FGF14: variants seen among roughly 807,000 people sequenced by gnomAD.
FGF14 encodes the protein fibroblast growth factor homologous factor 4.
In FGF14, 5 loss-of-function variants were observed where a neutral mutation model predicts 25.5. That is an observed-to-expected ratio of 0.20 (90% CI 0.10 to 0.41). FGF14 has a LOEUF of 0.41. Ranked by LOEUF, FGF14 falls within the 10% of genes least tolerant of loss-of-function variation. The pLI is 1.00. For missense variants in FGF14, 222 were observed against 320.1 expected (o/e 0.69, Z 2.34); for synonymous variants, 138 against 118.3 (o/e 1.17, Z -1.08).
At chr13:101,724,226 G>A (rs1030242283) in intron 4 of FGF14, among the ~76,000 whole-genome samples, 1 of 151,980 alleles carries the variant, frequency 6.6e-6, no homozygotes, top group African/African-American at 2.4e-5. Flanking sequence ...ATGATAGACT[G>A]GATTAAGCAA....
intron 1 of FGF14, among the ~76,000 whole-genome samples, chr13:102,346,242 T>C (rs1247861590): frequency 1.3e-5 from 2 of 152,146 alleles, no homozygotes; most frequent in African/African-American, 2.4e-5. Context: ...ACATTGTAAA[T>C]AGGTATATTC....
chr13:102,391,990 C>T (rs2058443533), intron 1 of FGF14, among the ~76,000 whole-genome samples: 1 of 152,152 alleles, frequency 6.6e-6, no homozygotes, highest in Admixed American at 6.5e-5. Flanking sequence ...GTCTTTAAGC[C>T]TTCTTATGTT....
rs10578533 is a variant in FGF14 at position 102,278,627 on chromosome 13, A to AATATATATATATATATAT, written c.208+122826_208+122843dup. Among the ~76,000 whole-genome samples the AATATATATATATATATAT allele has an allele frequency of 3.7e-3, 543 of 147,452 alleles. 1 individual carries two copies. The highest frequency in any genetic ancestry group is 0.011 in the African/African-American group (442 of 39,866). On this transcript the variant is annotated intron_variant, in intron 1 of 4. Transcript: ENST00000376131. ...GTGTCACTCTACATACATTTTATGT[A>AATATATATATATATATAT]ATATATATATATATATATACATACA...
chr13:102,092,336 T>C (rs2044202222), intron 1 of FGF14, among the ~76,000 whole-genome samples: 2 of 152,208 alleles, frequency 1.3e-5, no homozygotes, highest in East Asian at 1.9e-4. Flanking sequence ...ACTCTCACTC[T>C]TACCCACTAA....
intron 3 of FGF14, among the ~76,000 whole-genome samples, chr13:101,796,521 T>C (rs1407112688): frequency 6.6e-6 from 1 of 152,028 alleles, no homozygotes; most frequent in Non-Finnish European, 1.5e-5. Flanking sequence ...TCCATACCCC[T>C]ACCACTTCAG....
At position 101,743,733 on chromosome 13, in the gene FGF14, G is replaced by A. The variant is rs1042782864; in HGVS notation, c.409-16923C>T. Among the ~76,000 whole-genome samples the A allele has an allele frequency of 4.6e-5, 7 of 152,136 alleles. No homozygotes were observed. In the East Asian group the frequency reaches 1.4e-3, roughly 29 times the overall value. ...TCTTTTGAAAGAGAAAATAAATATT[G>A]AACATATTCACATCTGTAGATATTT... On this transcript the variant is annotated intron_variant, in intron 3 of 4. Transcript: ENST00000376143.
chr13:101,711,137 A>G lies in FGF14; in HGVS notation c.*11694T>C, dbSNP rs1190679653. 1.3e-5 allele frequency: 2 copies of G among 152,222 alleles called. No individual in the cohort carries two copies. Among genetic ancestry groups the G allele is most frequent in the African/African-American group, 2.4e-5 (1 of 41,450 alleles). The allele number at this position is 152,222 out of a possible 1,614,324, so 9.4% of individuals were successfully genotyped here. ...TAGCTACCTTTGCAAAGTACATGAT[A>G]TAATTCATTGTGGGTTGTTTTGTTC... On this transcript the variant is annotated 3_prime_UTR_variant, in exon 5 of 5. Coordinates refer to ENST00000376143, the MANE Select transcript of FGF14 (RefSeq NM_004115.4).
intron 1 of FGF14, among the ~76,000 whole-genome samples, chr13:102,234,771 T>C (rs2051254816): frequency 6.6e-6 from 1 of 152,198 alleles, no homozygotes; most frequent in Non-Finnish European, 1.5e-5. Context: ...CATCTGAGCT[T>C]ATGAAACATA....
intron 1 of FGF14, among the ~76,000 whole-genome samples, chr13:102,231,861 T>A (rs2051101468): frequency 6.6e-6 from 1 of 152,180 alleles, no homozygotes; most frequent in Admixed American, 6.5e-5. Context: ...AATTCCCAAC[T>A]CACAGGGTCA....
chr13:102,062,115 T>C (rs1428728944), intron 1 of FGF14, among the ~76,000 whole-genome samples: 1 of 152,038 alleles, frequency 6.6e-6, no homozygotes. Context: ...AAAAAGTCTA[T>C]GCAAAAAATA....
chr13:102,274,855 A>G (rs2053429568), intron 1 of FGF14, among the ~76,000 whole-genome samples: 1 of 151,672 alleles, frequency 6.6e-6, no homozygotes, highest in South Asian at 2.1e-4. Context: ...CTTGTAACCA[A>G]TGTAGAGTTT....
chr13:102,382,730 C>T (rs1007906931), intron 1 of FGF14, among the ~76,000 whole-genome samples: 4 of 151,988 alleles, frequency 2.6e-5, no homozygotes, highest in African/African-American at 9.7e-5. Context: ...AAATGTCCAT[C>T]AACTGAAGAA....
chr13:101,912,172 C>T (rs1162729370), intron 1 of FGF14, among the ~76,000 whole-genome samples: 1 of 152,102 alleles, frequency 6.6e-6, no homozygotes, highest in African/African-American at 2.4e-5. Context: ...GGTGTACATG[C>T]ATTTCTGCTT....
intron 3 of FGF14, among the ~76,000 whole-genome samples, chr13:101,766,650 A>G (rs1488251902): frequency 6.6e-6 from 1 of 152,186 alleles, no homozygotes; most frequent in Non-Finnish European, 1.5e-5. Flanking sequence ...GGAACTCTGA[A>G]TATGACTTTA....
At chr13:102,145,435 G>C (rs1031650430) in intron 1 of FGF14, among the ~76,000 whole-genome samples, 1 of 152,162 alleles carries the variant, frequency 6.6e-6, no homozygotes, top group Admixed American at 6.5e-5. Flanking sequence ...ACAGAACCTA[G>C]ATGAATGTCA....
intron 1 of FGF14, among the ~76,000 whole-genome samples, chr13:102,060,810 G>A (rs939960056): frequency 1.3e-5 from 2 of 152,100 alleles, no homozygotes; most frequent in African/African-American, 2.4e-5. Flanking sequence ...CCCTGTTTTC[G>A]TGCCCAAATG....
chr13:101,946,217 C>A (rs1050782321), intron 1 of FGF14, among the ~76,000 whole-genome samples: 4 of 152,108 alleles, frequency 2.6e-5, no homozygotes, highest in Admixed American at 1.3e-4. Flanking sequence ...CTCAGGACTC[C>A]CATGCCTTGG....
chr13:102,228,469 T>C (rs867604511), intron 1 of FGF14, among the ~76,000 whole-genome samples: 2 of 152,314 alleles, frequency 1.3e-5, no homozygotes, highest in African/African-American at 4.8e-5. Context: ...GAAACTAAAA[T>C]TGCCTAATGA....
At chr13:102,167,808 T>C (rs1297276375) in intron 1 of FGF14, among the ~76,000 whole-genome samples, 1 of 147,630 alleles carries the variant, frequency 6.8e-6, no homozygotes, top group Admixed American at 6.9e-5. Flanking sequence ...TTTTTTTTTT[T>C]TAAGAAATAT....
Sources: allele counts gnomAD v4.1 joint callset (sites outside exome capture counted in the v4.1 genomes callset), GRCh38; gene constraint gnomAD v4.1.1; transcripts MANE v1.5; gene names NCBI Gene and HGNC (gene_info 2026-07-23, HGNC 2026-07-21).